Variants in NMNAT2 observed in about 807,000 individuals in gnomAD.
The protein encoded by NMNAT2 is nicotinamide/nicotinic acid mononucleotide adenylyltransferase 2.
A neutral mutation model predicts 41.6 loss-of-function variants in NMNAT2; 11 were observed. That is an observed-to-expected ratio of 0.26 (90% CI 0.17 to 0.44). The LOEUF is 0.44. Ranked by LOEUF, NMNAT2 falls within the 20% of genes least tolerant of loss-of-function variation. The probability of loss-of-function intolerance (pLI) is 1.00; values close to 1 mark genes in which losing one functional copy is unlikely to be tolerated. For synonymous variants in NMNAT2, 148 were observed against 151.2 expected (o/e 0.98, Z 0.16); for missense variants, 288 against 407.7 (o/e 0.71, Z 2.53).
intron 10 of NMNAT2, among the ~76,000 whole-genome samples, chr1:183,254,933 T>C (rs1660480023): frequency 1.3e-5 from 2 of 152,248 alleles, no homozygotes; most frequent in South Asian, 4.1e-4. Flanking sequence ...TCCCATTTAT[T>C]TATTTATTTG....
Position 183,386,403 on chromosome 1 carries a change from T to C in NMNAT2, c.85+31780A>G, listed in dbSNP as rs1034618938. On this transcript the variant is annotated intron_variant, in intron 1 of 10. Transcript: ENST00000287713. ...AATTACCTTATTTTGAATAGCAATG[T>C]ACCATTTGGGGGAAGTTATATTCAC... 4.6e-5 allele frequency among the ~76,000 whole-genome samples: 7 copies of C among 152,200 alleles called. 1 individual carries two copies. The highest frequency in any genetic ancestry group is 8.8e-5 in the Non-Finnish European group (6 of 68,018).
At chr1:183,412,809 C>T (rs933737137) in intron 1 of NMNAT2, among the ~76,000 whole-genome samples, 1 of 152,182 alleles carries the variant, frequency 6.6e-6, no homozygotes, top group African/African-American at 2.4e-5. Flanking sequence ...AGCATTTAGT[C>T]TTATCTAGGG....
At chr1:183,373,018 A>G (rs1663584672) in intron 1 of NMNAT2, among the ~76,000 whole-genome samples, 2 of 152,252 alleles carry the variant, frequency 1.3e-5, no homozygotes, top group Admixed American at 1.3e-4. Flanking sequence ...CATCAAGTCC[A>G]GGCCCAGATG....
At chr1:183,397,732 C>CAGAAG (rs1297346887) in intron 1 of NMNAT2, among the ~76,000 whole-genome samples, 8 of 152,262 alleles carry the variant, frequency 5.3e-5, no homozygotes, top group African/African-American at 1.9e-4. Context: ...CTCTACAAGC[C>CAGAAG]AGAAGAGAGT....
intron 8 of NMNAT2, among the ~76,000 whole-genome samples, chr1:183,267,594 C>G (rs1660850314): frequency 6.6e-6 from 1 of 152,138 alleles, no homozygotes; most frequent in South Asian, 2.1e-4. Context: ...TAAGGACATT[C>G]CCCCTGTGCC....
At chr1:183,410,910 G>T (rs1428260406) in intron 1 of NMNAT2, among the ~76,000 whole-genome samples, 1 of 151,964 alleles carries the variant, frequency 6.6e-6, no homozygotes, top group Non-Finnish European at 1.5e-5. Context: ...TAGAGATGGG[G>T]TCTCATTATA....
chr1:183,416,274 A>T (rs1465289459), intron 1 of NMNAT2, among the ~76,000 whole-genome samples: 1 of 152,264 alleles, frequency 6.6e-6, no homozygotes, highest in African/African-American at 2.4e-5. Flanking sequence ...AGAAAGGAGC[A>T]GTACCTGCTG....
intron 1 of NMNAT2, among the ~76,000 whole-genome samples, chr1:183,363,146 G>T (rs1427835615): frequency 6.6e-6 from 1 of 152,136 alleles, no homozygotes; most frequent in African/African-American, 2.4e-5. Flanking sequence ...TGGGTTAATT[G>T]TTGGTCTTGG....
In NMNAT2 at chr1:183,292,893, T is replaced by A. The variant is rs748156038; in HGVS notation, c.175-36A>T. On this transcript the variant is annotated intron_variant, in intron 2 of 10. Transcript: ENST00000287713. Reference sequence around the variant, plus strand: ...ACAGAGCAATCATTGGGAGACTCCCTCCGTTCCCCACAACATCCTTGGGAT... The same window carrying A: ...ACAGAGCAATCATTGGGAGACTCCCACCGTTCCCCACAACATCCTTGGGAT... The A allele has an allele frequency of 1.9e-6, 3 of 1,601,738 alleles. No homozygotes were observed. In the Admixed American group the frequency reaches 5.0e-5, roughly 27 times the overall value.
chr1:183,302,950 T>C (rs780011417), intron 1 of NMNAT2, among the ~76,000 whole-genome samples: 3 of 152,170 alleles, frequency 2.0e-5, no homozygotes, highest in Non-Finnish European at 2.9e-5. Flanking sequence ...CCTGTGAGTA[T>C]AACAACTTTC....
At chr1:183,310,746 G>T (rs1237348868) in intron 1 of NMNAT2, among the ~76,000 whole-genome samples, 1 of 152,022 alleles carries the variant, frequency 6.6e-6, no homozygotes, top group African/African-American at 2.4e-5. Context: ...CCGTGCCAGG[G>T]TTGAAAATCC....
At chr1:183,397,502 CAGG>C (rs1478605156) in intron 1 of NMNAT2, among the ~76,000 whole-genome samples, 1 of 152,076 alleles carries the variant, frequency 6.6e-6, no homozygotes, top group African/African-American at 2.4e-5. Context: ...GGATATTATC[CAGG>C]AGAACTTCCC....
chr1:183,375,859 T>A (rs1663667447), intron 1 of NMNAT2, among the ~76,000 whole-genome samples: 2 of 152,204 alleles, frequency 1.3e-5, no homozygotes, highest in Admixed American at 1.3e-4. Flanking sequence ...GTGTTCATAA[T>A]TAGGTTATTG....
At chr1:183,417,489 C>G (rs1050091626) in intron 1 of NMNAT2, among the ~76,000 whole-genome samples, 2 of 152,188 alleles carry the variant, frequency 1.3e-5, no homozygotes, top group African/African-American at 4.8e-5. Flanking sequence ...CAGGGCCTCC[C>G]GCAGCCTCCG....
At chr1:183,259,606 T>G (rs9425584) in intron 10 of NMNAT2, among the ~76,000 whole-genome samples, 145,955 of 151,736 alleles carry the variant, frequency 0.96, 70,413 homozygotes, top group Non-Finnish European at 1. Context: ...TATAATTTTT[T>G]TGTGTGTGTG....
rs150314509 is a variant in NMNAT2 at position 183,344,262 on chromosome 1, T to C, written c.86-50469A>G. ...AATGAAGCAAGCATAATCATCTGCA[T>C]TATAGATGAGGAAACCGAGGTTCGC... On this transcript the variant is annotated intron_variant, in intron 1 of 10. Transcript: ENST00000287713. Among the ~76,000 whole-genome samples, 565 of 152,300 alleles carry C rather than the reference T, an allele frequency of 3.7e-3. 9 individuals are homozygous for C. The highest frequency in any genetic ancestry group is 0.011 in the African/African-American group (474 of 41,562).
At chr1:183,370,223 T>TACACACACACACACAC (rs57569629) in intron 1 of NMNAT2, among the ~76,000 whole-genome samples, 12 of 112,818 alleles carry the variant, frequency 1.1e-4, no homozygotes, top group African/African-American at 1.3e-4. Flanking sequence ...TATCAACACA[T>TACACACACACACACAC]ACACACACAC....
chr1:183,412,282 G>A (rs970508690), intron 1 of NMNAT2, among the ~76,000 whole-genome samples: 1 of 152,242 alleles, frequency 6.6e-6, no homozygotes. Flanking sequence ...GGAGTGCAGT[G>A]GTGCAATCTC....
At chr1:183,278,502 C>T (rs751121680) in intron 8 of NMNAT2, 51 bp downstream of exon 8, 1 of 1,304,564 alleles carries the variant, frequency 7.7e-7, no homozygotes, top group Non-Finnish European at 1.1e-6. Context: ...ATGCACACTT[C>T]CCATCCCTCC....
Sources: allele counts gnomAD v4.1 joint callset (sites outside exome capture counted in the v4.1 genomes callset), GRCh38; gene constraint gnomAD v4.1.1; transcripts MANE v1.5; gene names NCBI Gene and HGNC (gene_info 2026-07-23, HGNC 2026-07-21).